CSMD3: variants seen among roughly 807,000 people sequenced by gnomAD.
CSMD3 encodes CUB and Sushi multiple domains 3, also known as CUB and sushi domain-containing protein 3.
In CSMD3, 177 loss-of-function variants were observed where a neutral mutation model predicts 435.2. That is an observed-to-expected ratio of 0.41 (90% CI 0.36 to 0.46). The LOEUF (loss-of-function observed/expected upper bound fraction) is 0.46, where lower values mean the gene tolerates loss of function less well. Among genes scored for constraint, CSMD3 ranks in the 20% least tolerant of loss-of-function variants. The pLI is 0.34. For synonymous variants in CSMD3, 1,656 were observed against 1,520.5 expected (o/e 1.09, Z -2.07); for missense variants, 4,265 against 4,504.6 (o/e 0.95, Z 1.52).
At chr8:113,056,937 C>T (rs975114116) in intron 5 of CSMD3, among the ~76,000 whole-genome samples, 2 of 152,122 alleles carry the variant, frequency 1.3e-5, no homozygotes, top group Non-Finnish European at 2.9e-5. Context: ...TATCTCCTTT[C>T]CCATGAAGTA....
At chr8:112,641,649 A>C (rs1370720131) in intron 20 of CSMD3, among the ~76,000 whole-genome samples, 1 of 151,920 alleles carries the variant, frequency 6.6e-6, no homozygotes, top group African/African-American at 2.4e-5. Context: ...TCAGCTTGGG[A>C]AACATGGTGG....
intron 3 of CSMD3, among the ~76,000 whole-genome samples, chr8:113,226,153 T>C (rs965021584): frequency 6.6e-6 from 1 of 151,484 alleles, no homozygotes. Context: ...CCTTGGGCAG[T>C]TCTTCGTAGC....
At chr8:112,399,153 C>G (rs867296081) in intron 35 of CSMD3, among the ~76,000 whole-genome samples, 1 of 151,926 alleles carries the variant, frequency 6.6e-6, no homozygotes, top group South Asian at 2.1e-4. Context: ...CTTGACTTCA[C>G]GTGATCCACC....
intron 63 of CSMD3, among the ~76,000 whole-genome samples, chr8:112,252,557 T>G (rs1306097198): frequency 6.6e-6 from 1 of 151,558 alleles, no homozygotes; most frequent in Non-Finnish European, 1.5e-5. Flanking sequence ...TCAAGATGCC[T>G]TTTGCATATA....
Position 112,342,985 on chromosome 8 carries a change from ATT to A in CSMD3, c.6443-1301_6443-1300del, listed in dbSNP as rs1491491240. 4.3e-3 allele frequency among the ~76,000 whole-genome samples: 207 copies of A among 48,600 alleles called. 2 individuals carry two copies. Among genetic ancestry groups the A allele is most frequent in the African/African-American group, 0.012 (188 of 15,928 alleles). The allele number at this position is 48,600 out of a possible 152,430, so 31.9% of individuals were successfully genotyped here. A position where few individuals can be genotyped will look rare whatever the true frequency, so the allele number is the denominator to read the frequency against. On this transcript the variant is annotated intron_variant, in intron 41 of 70. Transcript: ENST00000297405. ...CTTGAAATGTATTATATATATATAT[ATT>A]TATATATATATATTTATATATATAT...
intron 22 of CSMD3, among the ~76,000 whole-genome samples, chr8:112,599,724 A>G (rs1253359439): frequency 6.6e-5 from 10 of 151,580 alleles, no homozygotes. Flanking sequence ...TTGTAGGGAC[A>G]TGGATGAAAT....
At chr8:112,704,412 T>C (rs968828876) in intron 13 of CSMD3, among the ~76,000 whole-genome samples, 3 of 152,192 alleles carry the variant, frequency 2.0e-5, no homozygotes, top group Non-Finnish European at 4.4e-5. Context: ...ACTGAGTATT[T>C]ATCACAAGCC....
intron 2 of CSMD3, among the ~76,000 whole-genome samples, chr8:113,285,976 A>AT (rs1389443381): frequency 6.6e-6 from 1 of 151,368 alleles, no homozygotes; most frequent in East Asian, 1.9e-4. Context: ...GTCTATGGCA[A>AT]TTTTTTCAGT....
chr8:112,343,145 G>C (rs1044260644), intron 41 of CSMD3, among the ~76,000 whole-genome samples: 4 of 149,828 alleles, frequency 2.7e-5, no homozygotes, highest in Non-Finnish European at 4.5e-5. Flanking sequence ...TTATAAATTA[G>C]AGCTATATAT....
chr8:112,920,922 C>G (rs1293433789), intron 10 of CSMD3, among the ~76,000 whole-genome samples: 1 of 149,758 alleles, frequency 6.7e-6, no homozygotes, highest in Non-Finnish European at 1.5e-5. Flanking sequence ...TATATATACA[C>G]ACACACACAC....
intron 11 of CSMD3, among the ~76,000 whole-genome samples, chr8:112,849,103 G>A (rs1030935106): frequency 6.6e-6 from 1 of 151,838 alleles, no homozygotes; most frequent in Non-Finnish European, 1.5e-5. Flanking sequence ...TATTTCTTCC[G>A]ACAATTAAGA....
intron 6 of CSMD3, among the ~76,000 whole-genome samples, chr8:112,985,671 T>C (rs2085228974): frequency 6.6e-6 from 1 of 152,064 alleles, no homozygotes. Flanking sequence ...TTGATCACAT[T>C]ACCTACTGAG....
intron 5 of CSMD3, among the ~76,000 whole-genome samples, chr8:113,029,756 G>A (rs1475101061): frequency 1.3e-5 from 2 of 151,460 alleles, no homozygotes; most frequent in South Asian, 2.1e-4. Flanking sequence ...CTTCAACATA[G>A]TACTGGAAAT....
intron 6 of CSMD3, among the ~76,000 whole-genome samples, chr8:112,987,118 T>C (rs2085283884): frequency 6.6e-6 from 1 of 152,052 alleles, no homozygotes; most frequent in African/African-American, 2.4e-5. Context: ...GCATATTATT[T>C]GGTTTGAATT....
rs571054254 is a variant in CSMD3 at position 112,464,330 on chromosome 8, C to T, written c.5395+8261G>A. Among the ~76,000 whole-genome samples, 228 of 151,304 alleles carry T rather than the reference C, an allele frequency of 1.5e-3. 2 individuals are homozygous for T. The highest frequency in any genetic ancestry group is 2.8e-3 in the Admixed American group (42 of 15,202). On this transcript the variant is annotated intron_variant, in intron 32 of 70. Coordinates refer to ENST00000297405, the MANE Select transcript of CSMD3 (RefSeq NM_198123.2). ...CTAATCCTCAGGCTTTAGAGGAAAACACATATGGCACCTATGTGGAACAAC... is the reference window on the plus strand; with the variant it reads ...CTAATCCTCAGGCTTTAGAGGAAAATACATATGGCACCTATGTGGAACAAC...
At chr8:112,295,534 CA>C (rs1397441471) in intron 54 of CSMD3, among the ~76,000 whole-genome samples, 1 of 151,792 alleles carries the variant, frequency 6.6e-6, no homozygotes, top group Admixed American at 6.6e-5. Context: ...CTTATAATTA[CA>C]AATGTGTTGA....
intron 9 of CSMD3, among the ~76,000 whole-genome samples, chr8:112,940,646 T>C (rs1439368406): frequency 6.6e-6 from 1 of 151,824 alleles, no homozygotes; most frequent in East Asian, 1.9e-4. Context: ...CTTTTAAGAT[T>C]TCAAAACACA....
chr8:112,676,554 C>G (rs2075773560), intron 16 of CSMD3, among the ~76,000 whole-genome samples: 1 of 151,984 alleles, frequency 6.6e-6, no homozygotes, highest in Admixed American at 6.6e-5. Context: ...ATTTCAGATT[C>G]TATAACAAAA....
At position 112,537,442 on chromosome 8, in the gene CSMD3, G is replaced by GA. The variant is rs1345633845; in HGVS notation, c.4564+13228dup. Among the ~76,000 whole-genome samples, 17 of 151,782 alleles carry GA rather than the reference G, an allele frequency of 1.1e-4. No individual in the cohort carries two copies. The East Asian group carries it at 2.9e-3, about 26-fold the overall frequency. ...TGAAAAAAGATACAAAGGATAAAAT[G>GA]AAAACTCTCTTTTTGAAAAGATAAA... On this transcript the variant is annotated intron_variant, in intron 27 of 70. Transcript: ENST00000297405.
Sources: gnomAD v4.1 joint callset for allele counts (sites outside exome capture counted in the v4.1 genomes callset) on GRCh38, gnomAD v4.1.1 for gene constraint, MANE v1.5 for transcripts, NCBI Gene and HGNC (gene_info 2026-07-23, HGNC 2026-07-21) for gene names.